The following PLXDC2 variants were observed in gnomAD, a reference collection of about 807,000 sequenced individuals.
PLXDC2 encodes plexin domain-containing protein 2.
A neutral mutation model predicts 68.9 loss-of-function variants in PLXDC2; 40 were observed. The observed-to-expected ratio is 0.58, with a 90% CI of 0.45 to 0.76. The LOEUF (loss-of-function observed/expected upper bound fraction) is 0.76. Among genes scored for constraint, PLXDC2 ranks in the 30% least tolerant of loss-of-function variants. The pLI is 0.00. For missense variants in PLXDC2, 644 were observed against 661.9 expected, an observed-to-expected ratio of 0.97 and a Z score of 0.30; for synonymous variants, 243 against 234.2, an observed-to-expected ratio of 1.04 and a Z score of -0.34.
intron 3 of PLXDC2, among the ~76,000 whole-genome samples, chr10:20,059,302 A>G (rs1459216886): frequency 6.7e-6 from 1 of 149,174 alleles, no homozygotes; most frequent in Non-Finnish European, 1.5e-5. Context: ...CTGAGTTGTA[A>G]ATATCACATA....
chr10:20,177,479 A>G (rs1438628402), intron 9 of PLXDC2, 70 bp downstream of exon 9: 3 of 838,094 alleles, frequency 3.6e-6, no homozygotes, highest in Non-Finnish European at 4.8e-6. Flanking sequence ...AATTAAAAAT[A>G]ACTTATGGAC....
intron 3 of PLXDC2, among the ~76,000 whole-genome samples, chr10:20,050,706 CAAA>C (rs1835883667): frequency 6.7e-6 from 1 of 150,182 alleles, no homozygotes; most frequent in African/African-American, 2.5e-5. Flanking sequence ...AAAAAAAAAA[CAAA>C]AACAAAACAA....
chr10:20,193,298 A>G (rs1356129541), intron 9 of PLXDC2, among the ~76,000 whole-genome samples: 1 of 152,130 alleles, frequency 6.6e-6, no homozygotes, highest in South Asian at 2.1e-4. Context: ...TAACAAATGT[A>G]TTGATTAATG....
chr10:19,898,782 A>G (rs1838107871), intron 1 of PLXDC2, among the ~76,000 whole-genome samples: 1 of 152,294 alleles, frequency 6.6e-6, no homozygotes, highest in Middle Eastern at 3.4e-3. Flanking sequence ...AAAATTTCTT[A>G]TACGCAACAG....
intron 4 of PLXDC2, among the ~76,000 whole-genome samples, chr10:20,122,873 G>A (rs1833718523): frequency 6.6e-6 from 1 of 152,220 alleles, no homozygotes; most frequent in African/African-American, 2.4e-5. Flanking sequence ...AATGCATTTT[G>A]AGAATAAGAC....
intron 5 of PLXDC2, 54 bp from the exon 6 acceptor site, chr10:20,147,730 A>G (rs1834098114): frequency 6.1e-6 from 7 of 1,149,114 alleles, no homozygotes; most frequent in Non-Finnish European, 8.9e-6. Context: ...TCCCACCAGA[A>G]TTGATTGGTA....
rs1836198589 is a variant in PLXDC2, at chr10:20,289,212, G to A, written c.*9393G>A. On this transcript the variant is annotated 3_prime_UTR_variant, in exon 14 of 14. Transcript: ENST00000377252. The stretch of plus-strand genomic sequence containing the variant: ...TTGCTTCTAAACCCACCCCGATGTG[G>A]AAACTGATACTAGCTAGAGGGAGCT... 1 of 152,122 alleles carries A rather than the reference G, an allele frequency of 6.6e-6. No homozygotes were observed. The highest frequency in any genetic ancestry group is 1.5e-5 in the Non-Finnish European group (1 of 68,032). 9.4% of individuals were successfully genotyped at this position (152,122 alleles called of 1,614,324 possible).
rs181906429 is a variant in PLXDC2 at position 20,231,404 on chromosome 10, G to C, written c.1312+12302G>C. Among the ~76,000 whole-genome samples the C allele has an allele frequency of 9.6e-4, 146 of 151,304 alleles. 1 individual carries two copies. Among genetic ancestry groups the C allele is most frequent in the African/African-American group, 3.4e-3 (143 of 41,466 alleles). On this transcript the variant is annotated intron_variant, in intron 12 of 13. Coordinates refer to ENST00000377252, the MANE Select transcript of PLXDC2 (RefSeq NM_032812.9). Reference sequence around the variant, plus strand: ...AAAATTTGTAGAATGCTGCTAAAAAGTATTTAGAAGGAAATTTATAGTTTT... The same window carrying C: ...AAAATTTGTAGAATGCTGCTAAAAACTATTTAGAAGGAAATTTATAGTTTT...
intron 13 of PLXDC2, among the ~76,000 whole-genome samples, chr10:20,248,480 A>T (rs995305422): frequency 1.3e-5 from 2 of 152,022 alleles, no homozygotes; most frequent in African/African-American, 4.8e-5. Flanking sequence ...TCTAAGAATA[A>T]CTCTTTCTTC....
chr10:19,852,933 T>C (rs1296169569), intron 1 of PLXDC2, among the ~76,000 whole-genome samples: 2 of 152,204 alleles, frequency 1.3e-5, no homozygotes, highest in African/African-American at 4.8e-5. Flanking sequence ...CACAATAAAA[T>C]AGGCAATATA....
chr10:20,165,952 G>A (rs1338373123), intron 7 of PLXDC2, among the ~76,000 whole-genome samples: 1 of 151,958 alleles, frequency 6.6e-6, no homozygotes, highest in Non-Finnish European at 1.5e-5. Flanking sequence ...AAGTTGGGGT[G>A]GGGGGTGTTT....
chr10:20,141,010 T>A (rs1487660104), intron 4 of PLXDC2, among the ~76,000 whole-genome samples: 2 of 152,110 alleles, frequency 1.3e-5, no homozygotes, highest in Admixed American at 6.5e-5. Context: ...CATAGTGACA[T>A]AACTTATTTT....
intron 2 of PLXDC2, among the ~76,000 whole-genome samples, chr10:20,025,792 C>T (rs1000775486): frequency 3.3e-5 from 5 of 152,024 alleles, no homozygotes; most frequent in Admixed American, 3.3e-4. Context: ...GGATATGAGA[C>T]CCAAGGATAA....
At position 20,217,596 on chromosome 10, in the gene PLXDC2, C is replaced by CTTTTTTTTTTTTTT; in HGVS notation, c.1273+35_1273+48dup. 7 of 783,776 alleles carry CTTTTTTTTTTTTTT rather than the reference C, an allele frequency of 8.9e-6. No individual in the cohort carries two copies. Among genetic ancestry groups the CTTTTTTTTTTTTTT allele is most frequent in the Non-Finnish European group, 1.1e-5 (7 of 647,414 alleles). 48.6% of individuals were successfully genotyped at this position (783,776 alleles called of 1,614,324 possible). ...CAGAAGGTACCCAAGAGATAGTTTG[C>CTTTTTTTTTTTTTT]TTTTTTTTTTTTTTTTTTTTTTTTT... On this transcript the variant is annotated intron_variant, in intron 11 of 13. Coordinates refer to ENST00000377252, the MANE Select transcript of PLXDC2 (RefSeq NM_032812.9).
intron 1 of PLXDC2, among the ~76,000 whole-genome samples, chr10:19,937,564 A>ATATATATATATATATATATATATT (rs1833746556): frequency 1.4e-5 from 2 of 140,564 alleles, no homozygotes; most frequent in African/African-American, 5.4e-5. Context: ...ATATATATAT[A>ATATATATATATATATATATATATT]TATATATATA....
chr10:19,914,548 A>G (rs1050363550), intron 1 of PLXDC2, among the ~76,000 whole-genome samples: 2 of 152,228 alleles, frequency 1.3e-5, no homozygotes, highest in African/African-American at 4.8e-5. Context: ...AGTTACTTCA[A>G]GGATTTCTTA....
At chr10:20,054,922 TTA>T (rs1835970179) in intron 3 of PLXDC2, among the ~76,000 whole-genome samples, 1 of 152,164 alleles carries the variant, frequency 6.6e-6, no homozygotes, top group Non-Finnish European at 1.5e-5. Context: ...ATATTTCTAT[TTA>T]TATCTTTCTA....
chr10:20,204,450 T>C (rs7895112), intron 9 of PLXDC2, among the ~76,000 whole-genome samples: 72,220 of 151,850 alleles, frequency 0.48, 17,381 homozygotes, highest in Middle Eastern at 0.56. Flanking sequence ...TCTTTGATTC[T>C]GGAGGATCAT....
chr10:19,971,776 T>C (rs1346334696), intron 1 of PLXDC2, among the ~76,000 whole-genome samples: 1 of 152,140 alleles, frequency 6.6e-6, no homozygotes, highest in Non-Finnish European at 1.5e-5. Flanking sequence ...GTTATGATCA[T>C]AACAAGCTGG....
Sources: allele counts gnomAD v4.1 joint callset (sites outside exome capture counted in the v4.1 genomes callset), GRCh38; gene constraint gnomAD v4.1.1; transcripts MANE v1.5; gene names NCBI Gene and HGNC (gene_info 2026-07-23, HGNC 2026-07-21).